Variants in RBFOX1 observed in about 807,000 individuals in gnomAD.
RBFOX1 encodes RNA binding protein fox-1 homolog 1.
In RBFOX1, 8 loss-of-function variants were observed where a neutral mutation model predicts 57.7. That is an observed-to-expected ratio of 0.14 (90% CI 0.08 to 0.25). RBFOX1 has a LOEUF of 0.25. Ranked by LOEUF, RBFOX1 falls within the 10% of genes least tolerant of loss-of-function variation. The pLI, the probability that RBFOX1 is intolerant of heterozygous loss-of-function variation, is 1.00. For synonymous variants in RBFOX1, 326 were observed against 222.4 expected (o/e 1.47, Z -4.15); for missense variants, 611 against 548.5 (o/e 1.11, Z -1.14).
At chr16:7,232,432 C>T (rs945458363) in intron 4 of RBFOX1, among the ~76,000 whole-genome samples, 5 of 152,112 alleles carry the variant, frequency 3.3e-5, no homozygotes, top group African/African-American at 1.2e-4. Flanking sequence ...TTATAGGGGA[C>T]CAGGTTCCTG....
At chr16:5,481,294 G>T (rs2069532555) in intron 2 of RBFOX1, among the ~76,000 whole-genome samples, 1 of 152,066 alleles carries the variant, frequency 6.6e-6, no homozygotes, top group Non-Finnish European at 1.5e-5. Flanking sequence ...GTTTCTTGTT[G>T]ACACCCATGA....
chr16:5,386,646 T>A (rs1235202076), intron 1 of RBFOX1, among the ~76,000 whole-genome samples: 1 of 152,128 alleles, frequency 6.6e-6, no homozygotes, highest in Non-Finnish European at 1.5e-5. Context: ...TGAATGCTCT[T>A]TTCACCTTTA....
intron 1 of RBFOX1, among the ~76,000 whole-genome samples, chr16:6,057,659 C>A (rs752939490): frequency 7.4e-4 from 112 of 151,922 alleles, no homozygotes; most frequent in Non-Finnish European, 1.2e-3. Flanking sequence ...GTAATGACTT[C>A]GAGATTTTTG....
chr16:7,611,257 G>C lies in RBFOX1; in HGVS notation c.676+3919G>C, dbSNP rs1353341048. 2.0e-5 allele frequency among the ~76,000 whole-genome samples: 3 copies of C among 152,216 alleles called. No homozygotes were observed. In the East Asian group the frequency reaches 5.8e-4, roughly 29 times the overall value. ...GTAATTTTCTTAGTTTAGTAGACTT[G>C]TCCCTAACATTTATTTTCTCTTTTA... On this transcript the variant is annotated intron_variant, in intron 10 of 15. Transcript: ENST00000550418.
In RBFOX1 at chr16:7,650,535, C is replaced by G. The variant is rs566672583; in HGVS notation, c.758-3280C>G. On this transcript the variant is annotated intron_variant, in intron 11 of 15. Coordinates refer to ENST00000550418, the MANE Select transcript of RBFOX1 (RefSeq NM_018723.4). ...AATGAAGAGGGTACAAAATGGAATC[C>G]TGGCTCCACGCTCTTAACAGCACGT... is the stretch of plus-strand genomic sequence containing the variant. Among the ~76,000 whole-genome samples, 260 of 152,098 alleles carry G rather than the reference C, an allele frequency of 1.7e-3. 2 individuals are homozygous for G. The highest frequency in any genetic ancestry group is 2.6e-3 in the Non-Finnish European group (180 of 67,982).
chr16:5,466,031 C>T (rs1176280363), intron 1 of RBFOX1, among the ~76,000 whole-genome samples: 1 of 152,128 alleles, frequency 6.6e-6, no homozygotes, highest in African/African-American at 2.4e-5. Context: ...AGAGGAGGTG[C>T]TGGTGGAGTT....
At chr16:5,742,250 T>G (rs374836099) in intron 3 of RBFOX1, among the ~76,000 whole-genome samples, 1 of 110,028 alleles carries the variant, frequency 9.1e-6, no homozygotes, top group Admixed American at 1.0e-4. Context: ...CTTCCTTCCT[T>G]CCTCCCTTCC....
intron 2 of RBFOX1, among the ~76,000 whole-genome samples, chr16:6,517,122 C>T (rs1327438812): frequency 6.6e-6 from 1 of 152,144 alleles, no homozygotes; most frequent in African/African-American, 2.4e-5. Flanking sequence ...TTGTGGGCCA[C>T]TTGTGACCAA....
intron 3 of RBFOX1, among the ~76,000 whole-genome samples, chr16:5,733,661 C>T (rs2052464964): frequency 1.3e-5 from 2 of 152,060 alleles, no homozygotes; most frequent in African/African-American, 2.4e-5. Flanking sequence ...CTTTCCCAAA[C>T]ACCCTTGTGT....
At chr16:6,974,401 A>G (rs916721041) in intron 3 of RBFOX1, among the ~76,000 whole-genome samples, 30 of 126,274 alleles carry the variant, frequency 2.4e-4, no homozygotes, top group African/African-American at 5.6e-4. Context: ...CTGGAGTGCA[A>G]TGGTACAATC....
At chr16:7,399,711 T>G (rs74932764) in intron 4 of RBFOX1, among the ~76,000 whole-genome samples, 10,193 of 140,646 alleles carry the variant, frequency 0.072, 438 homozygotes, top group East Asian at 0.21. Flanking sequence ...AGGGCTCACT[T>G]AAGTTTAAGA....
intron 1 of RBFOX1, among the ~76,000 whole-genome samples, chr16:6,215,863 T>C (rs1221852268): frequency 6.6e-6 from 1 of 152,108 alleles, no homozygotes; most frequent in Non-Finnish European, 1.5e-5. Context: ...ATGAATCAAC[T>C]CGCCACATGC....
At chr16:6,967,494 G>A (rs914617743) in intron 3 of RBFOX1, among the ~76,000 whole-genome samples, 16 of 152,122 alleles carry the variant, frequency 1.1e-4, no homozygotes, top group Non-Finnish European at 1.6e-4. Flanking sequence ...GTGGATAGAC[G>A]TTATTTCAGA....
At chr16:6,717,059 G>C (rs1178853754) in intron 3 of RBFOX1, among the ~76,000 whole-genome samples, 1 of 152,142 alleles carries the variant, frequency 6.6e-6, no homozygotes, top group Non-Finnish European at 1.5e-5. Context: ...AGGCTGCCAT[G>C]TGCAAACCAA....
At chr16:6,520,512 A>G (rs771852759) in intron 2 of RBFOX1, among the ~76,000 whole-genome samples, 4 of 152,212 alleles carry the variant, frequency 2.6e-5, no homozygotes, top group Non-Finnish European at 5.9e-5. Context: ...AAATTATTCA[A>G]CGTAACTGCC....
chr16:5,804,100 C>G (rs545698854), intron 3 of RBFOX1, among the ~76,000 whole-genome samples: 90 of 152,322 alleles, frequency 5.9e-4, no homozygotes, highest in African/African-American at 1.9e-3. Flanking sequence ...CTGCCTCCCT[C>G]TCTAAGCTTT....
At position 5,769,963 on chromosome 16, in the gene RBFOX1, C is replaced by G. The variant is rs1230536724; in HGVS notation, c.319-97340C>G. On this transcript the variant is annotated intron_variant, in intron 3 of 19. Coordinates refer to the RBFOX1 transcript ENST00000641259. ...ATTAGGCTCTCAGTATAGGTATGTGCTAGAGACTTGTACTCCTCTGGCTAA... is the reference window on the plus strand; with the variant it reads ...ATTAGGCTCTCAGTATAGGTATGTGGTAGAGACTTGTACTCCTCTGGCTAA... 2.6e-5 allele frequency among the ~76,000 whole-genome samples: 4 copies of G among 152,142 alleles called. No homozygotes were observed. The East Asian group carries it at 7.7e-4, about 29-fold the overall frequency.
intron 1 of RBFOX1, among the ~76,000 whole-genome samples, chr16:6,081,286 A>T (rs1366316555): frequency 6.6e-6 from 1 of 152,164 alleles, no homozygotes; most frequent in Non-Finnish European, 1.5e-5. Context: ...ATCATCTCTC[A>T]TTGGACAAGG....
intron 2 of RBFOX1, among the ~76,000 whole-genome samples, chr16:6,520,048 G>A (rs1370310888): frequency 6.6e-6 from 1 of 152,108 alleles, no homozygotes; most frequent in African/African-American, 2.4e-5. Context: ...TTTCCACCGT[G>A]CAGGTGCTAA....
Sources: allele counts gnomAD v4.1 joint callset (sites outside exome capture counted in the v4.1 genomes callset), GRCh38; gene constraint gnomAD v4.1.1; transcripts MANE v1.5; gene names NCBI Gene and HGNC (gene_info 2026-07-23, HGNC 2026-07-21).